Variants in LRRFIP2 observed in about 807,000 individuals in gnomAD.
LRRFIP2 encodes LRR binding FLII interacting protein 2.
Under a neutral mutation model 125.9 loss-of-function variants are expected in LRRFIP2, and 109 were observed. That is an observed-to-expected ratio of 0.87 (90% confidence interval 0.74 to 1.01). LRRFIP2 has a LOEUF of 1.01. Ranked by LOEUF, LRRFIP2 falls within the 50% of genes least tolerant of loss-of-function variation. The pLI is 0.00. For synonymous variants in LRRFIP2, 291 were observed against 293.1 expected, an observed-to-expected ratio of 0.99 and a Z score of 0.07; for missense variants, 850 against 862.3, an observed-to-expected ratio of 0.99 and a Z score of 0.18.
chr3:37,169,751 T>A (rs772249112), intron 1 of LRRFIP2, among the ~76,000 whole-genome samples: 8 of 152,156 alleles, frequency 5.3e-5, no homozygotes, highest in Non-Finnish European at 1.0e-4. Context: ...ATCTGTTATA[T>A]CAAAAGTAGT....
chr3:37,107,095 G>A (rs1474267009), intron 13 of LRRFIP2, among the ~76,000 whole-genome samples: 2 of 151,968 alleles, frequency 1.3e-5, no homozygotes, highest in Admixed American at 6.6e-5. Context: ...GTAGAGGTGG[G>A]GTTTCACCAT....
At chr3:37,056,698 C>A (rs548390128) in intron 25 of LRRFIP2, among the ~76,000 whole-genome samples, 1 of 152,108 alleles carries the variant, frequency 6.6e-6, no homozygotes, top group African/African-American at 2.4e-5. Context: ...CGTGATCCAC[C>A]CACCTCAGCC....
chr3:37,109,422 T>C, intron 11 of LRRFIP2, 105 bp downstream of exon 11: 1 of 1,247,038 alleles, frequency 8.0e-7, no homozygotes, highest in Non-Finnish European at 1.2e-6. Context: ...GACACTAAAA[T>C]CATGTGTCCT....
chr3:37,144,819 A>C (rs993303778), intron 2 of LRRFIP2, among the ~76,000 whole-genome samples: 16 of 152,226 alleles, frequency 1.1e-4, no homozygotes, highest in African/African-American at 3.6e-4. Flanking sequence ...ACTGGCATGG[A>C]CAAAAGAGAG....
rs375482489 is a variant in LRRFIP2 at position 37,091,482 on chromosome 3, C to T, written c.1092G>A (p.Gly364=). The T allele has an allele frequency of 4.3e-6, 7 of 1,611,912 alleles. No homozygotes were observed. The South Asian group carries it at 7.7e-5, about 18-fold the overall frequency. Residue 364 remains glycine (G), a synonymous_variant, in exon 18 of 28, where the codon GGG becomes GGA. Transcript: ENST00000336686. ...IQDVEGRYMQ[G]LKELKESLSE... Reference sequence around the variant, plus strand: ...GCCCTGATACCTTTAGTTCTTTAAGCCCCTGCATGTATCTCCCTTCTACAT... The same window carrying T: ...GCCCTGATACCTTTAGTTCTTTAAGTCCCTGCATGTATCTCCCTTCTACAT...
chr3:37,113,311 T>C (rs190219864), intron 7 of LRRFIP2, among the ~76,000 whole-genome samples: 1 of 152,234 alleles, frequency 6.6e-6, no homozygotes, highest in East Asian at 1.9e-4. Context: ...GACTTCTTTT[T>C]TTTCTTTTTC....
rs1028110590 is a variant in LRRFIP2, at chr3:37,060,704, A to G, written c.1750-1794T>C. 6.6e-6 allele frequency among the ~76,000 whole-genome samples: 1 copy of G among 151,932 alleles called. No homozygotes were observed. The highest frequency in any genetic ancestry group is 2.1e-4 in the South Asian group (1 of 4,816). ...TGGTATTTTCCCTCCATCTTCCCTA[A>G]AAGTCCCAGGTCTTAATCTCGTCTC... On this transcript the variant is annotated intron_variant, in intron 24 of 27. Transcript: ENST00000336686. This position sits in a 1 kb window ranked among gnomAD's most constrained non-coding sequence, Gnocchi z 4.1.
chr3:37,055,527 C>T lies in LRRFIP2; in HGVS notation c.1871-362G>A, dbSNP rs1267072459. ...GTTGCAGTGAGCTAAGATCGCGCCA[C>T]TGCACTCCAGCCTGGCAACAGAGCG... On this transcript the variant is annotated intron_variant, in intron 25 of 27. Coordinates refer to ENST00000336686, the MANE Select transcript of LRRFIP2 (RefSeq NM_006309.4). 3.3e-5 allele frequency among the ~76,000 whole-genome samples: 5 copies of T among 152,264 alleles called. No individual in the cohort carries two copies. In the East Asian group the frequency reaches 7.7e-4, roughly 23 times the overall value.
At chr3:37,159,531 CAG>C (rs1359502595) in intron 1 of LRRFIP2, among the ~76,000 whole-genome samples, 1 of 151,686 alleles carries the variant, frequency 6.6e-6, no homozygotes, top group Non-Finnish European at 1.5e-5. Context: ...TTTTTTTTGA[CAG>C]AGTCTCGCTG....
At chr3:37,085,861 T>C (rs190050564) in intron 18 of LRRFIP2, among the ~76,000 whole-genome samples, 1 of 152,174 alleles carries the variant, frequency 6.6e-6, no homozygotes, top group African/African-American at 2.4e-5. Context: ...GGATTACAGG[T>C]ATGAGCCACT....
Position 37,094,841 on chromosome 3 carries a change from C to G in LRRFIP2, c.986G>C (p.Gly329Ala), listed in dbSNP as rs758008011. The G allele has an allele frequency of 6.2e-7, 1 of 1,613,922 alleles. No homozygotes were observed. The highest frequency in any genetic ancestry group is 8.5e-7 in the Non-Finnish European group (1 of 1,179,890). ...LSGNSSRRGS[G>A]DTSSLIDPDT... ...TGGATCTATTAAGCTGCTGGTGTCC[C>G]CACTTCCTCGTCTGGATGAGTTTCC... The change falls in exon 17 of 28, where the codon GGG (glycine) becomes GCG (alanine). Residue 329 changes from glycine to alanine, a missense_variant. By Grantham distance (60) the Gly-to-Ala change is moderately conservative. Transcript: ENST00000336686.
intron 18 of LRRFIP2, among the ~76,000 whole-genome samples, chr3:37,087,631 C>T (rs2093147296): frequency 6.6e-6 from 1 of 152,004 alleles, no homozygotes; most frequent in Admixed American, 6.5e-5. Context: ...CTGTGTCACC[C>T]AACCTGGAGT....
intron 21 of LRRFIP2, among the ~76,000 whole-genome samples, chr3:37,069,213 A>G (rs1234310464): frequency 1.3e-5 from 2 of 152,244 alleles, no homozygotes; most frequent in Admixed American, 1.3e-4. Flanking sequence ...CAGAATTACC[A>G]TATGATCCAG....
chr3:37,091,660 AG>A (rs1344299944), intron 17 of LRRFIP2, 122 bp from the exon 18 acceptor site: 3 of 702,472 alleles, frequency 4.3e-6, no homozygotes, highest in Non-Finnish European at 7.0e-6. Context: ...GAGAAATCAA[AG>A]TACAAAAACA....
At chr3:37,083,534 C>T (rs2092808333) in intron 19 of LRRFIP2, 102 bp downstream of exon 19, 3 of 875,874 alleles carry the variant, frequency 3.4e-6, no homozygotes, top group Non-Finnish European at 5.0e-6. Context: ...TCAGTTTTGA[C>T]TGAAACATCA....
Position 37,066,313 on chromosome 3 carries a change from G to T in LRRFIP2, c.1477C>A (p.Gln493Lys), listed in dbSNP as rs150864970. 17 of 1,613,858 alleles carry T rather than the reference G, an allele frequency of 1.1e-5. No individual in the cohort carries two copies. In the African/African-American group the frequency reaches 1.7e-4, roughly 16 times the overall value. Residue 493 changes from glutamine (Q) to lysine (K), a missense_variant, in exon 22 of 28, where the codon CAG becomes AAG. Gln to Lys is a moderately conservative substitution (Grantham distance 53, BLOSUM62 1). Coordinates refer to ENST00000336686, the MANE Select transcript of LRRFIP2 (RefSeq NM_006309.4). ...CTAAGGCAGGCAATGTATTCTTTCT[G>T]TTTCTCTAGGGCCTGGTTTTAGGTA... is the stretch of plus-strand genomic sequence containing the variant. ...KDKKIGALEKQKEYIACLRNE... is the reference protein window; with the variant it reads ...KDKKIGALEKKKEYIACLRNE...
intron 13 of LRRFIP2, among the ~76,000 whole-genome samples, chr3:37,106,367 C>A (rs1027276852): frequency 2.0e-5 from 3 of 152,142 alleles, no homozygotes; most frequent in Non-Finnish European, 4.4e-5. Context: ...GCTTTACCAG[C>A]CAAAGACTCA....
intron 1 of LRRFIP2, among the ~76,000 whole-genome samples, chr3:37,156,948 G>A (rs1453929791): frequency 4.6e-5 from 7 of 151,850 alleles, no homozygotes; most frequent in African/African-American, 1.5e-4. Flanking sequence ...TGACCAACAT[G>A]GAGAAACCCT....
chr3:37,173,505 A>G (rs538678056), intron 1 of LRRFIP2, among the ~76,000 whole-genome samples: 2 of 152,354 alleles, frequency 1.3e-5, no homozygotes, highest in South Asian at 2.1e-4. Context: ...CAGACTGAAC[A>G]AAGTAGTACA....
Sources: allele counts gnomAD v4.1 joint callset (sites outside exome capture counted in the v4.1 genomes callset), GRCh38; gene constraint gnomAD v4.1.1; non-coding constraint Gnocchi (gnomAD v3.1); transcripts MANE v1.5; gene names NCBI Gene and HGNC (gene_info 2026-07-23, HGNC 2026-07-21).